ADI1: variants seen among roughly 807,000 people sequenced by gnomAD.
ADI1 encodes acireductone dioxygenase.
A neutral mutation model predicts 18.7 loss-of-function variants in ADI1; 21 were observed. That is an observed-to-expected ratio of 1.13 (90% CI 0.80 to 1.62). ADI1 has a LOEUF of 1.62. Ranked by LOEUF, ADI1 falls within the 40% of genes most tolerant of loss-of-function variation. The probability of loss-of-function intolerance (pLI) is 0.00; values close to 1 mark genes in which losing one functional copy is unlikely to be tolerated. For synonymous variants in ADI1, 90 were observed against 100.1 expected (o/e 0.90, Z 0.60); for missense variants, 245 against 254.9 (o/e 0.96, Z 0.26).
intron 2 of ADI1, among the ~76,000 whole-genome samples, chr2:3,501,690 G>A (rs1404754768): frequency 6.6e-6 from 1 of 151,952 alleles, no homozygotes; most frequent in Non-Finnish European, 1.5e-5. Context: ...ACTATACCCA[G>A]CTAATTTTTG....
chr2:3,509,821 T>C (rs973466722), intron 2 of ADI1, among the ~76,000 whole-genome samples: 19 of 149,352 alleles, frequency 1.3e-4, no homozygotes, highest in African/African-American at 4.7e-4. Flanking sequence ...CTGGTGAGAT[T>C]CCAACGCTAC....
chr2:3,502,319 C>T (rs1667041420), intron 2 of ADI1, among the ~76,000 whole-genome samples: 1 of 152,244 alleles, frequency 6.6e-6, no homozygotes, highest in African/African-American at 2.4e-5. Context: ...GCATGAGCCA[C>T]TGCCCCCAGC....
At chr2:3,518,878 C>G (rs1339425380) in intron 1 of ADI1, among the ~76,000 whole-genome samples, 1 of 152,254 alleles carries the variant, frequency 6.6e-6, no homozygotes, top group East Asian at 1.9e-4. Flanking sequence ...GCTGCCAATC[C>G]CGGAGCTGCG....
In ADI1 at chr2:3,498,486, G is replaced by A. The variant is rs1340639626; in HGVS notation, c.*477C>T. On this transcript the variant is annotated 3_prime_UTR_variant, in exon 4 of 4. Transcript: ENST00000327435. ...AGGCAGTTACTTTATTTTGAACAAGGAAGTGGCATAAGCAACTCAGTGTGT... is the reference window on the plus strand; with the variant it reads ...AGGCAGTTACTTTATTTTGAACAAGAAAGTGGCATAAGCAACTCAGTGTGT... 6.5e-6 allele frequency: 1 copy of A among 153,200 alleles called. No homozygotes were observed. The highest frequency in any genetic ancestry group is 2.4e-5 in the African/African-American group (1 of 41,476). The allele number at this position is 153,200 out of a possible 1,614,324, so 9.5% of individuals were successfully genotyped here. A position where few individuals can be genotyped will look rare whatever the true frequency, so the allele number is the denominator to read the frequency against.
At chr2:3,508,780 T>C (rs546597923) in intron 2 of ADI1, among the ~76,000 whole-genome samples, 2 of 152,068 alleles carry the variant, frequency 1.3e-5, no homozygotes, top group Non-Finnish European at 2.9e-5. Flanking sequence ...GGTGTGCACC[T>C]GTAGTCCCAG....
At chr2:3,506,366 G>C (rs1016049490) in intron 2 of ADI1, among the ~76,000 whole-genome samples, 7 of 152,076 alleles carry the variant, frequency 4.6e-5, no homozygotes, top group African/African-American at 1.4e-4. Flanking sequence ...CAGGATACAG[G>C]GTTAATACAC....
In ADI1 at chr2:3,500,850, G is replaced by A. The variant is rs562498332; in HGVS notation, c.384C>T (p.Pro128=). The A allele has an allele frequency of 2.4e-5, 38 of 1,614,154 alleles. No individual in the cohort carries two copies. Among genetic ancestry groups the A allele is most frequent in the South Asian group, 1.2e-4 (11 of 91,076 alleles). The change falls in exon 3 of 4, where the codon CCC becomes CCT. Residue 128 remains proline (P), a synonymous_variant. Transcript: ENST00000327435. ...FMEKGDMVTL[P]AGIYHRFTVD... ...CCGTGAAGCGGTGATAGATCCCCGCGGGGAGCGTCACCATGTCTCCCTTCT... is the reference window on the plus strand; with the variant it reads ...CCGTGAAGCGGTGATAGATCCCCGCAGGGAGCGTCACCATGTCTCCCTTCT...
At chr2:3,501,045 C>T in intron 2 of ADI1, 52 bp from the exon 3 acceptor site, 1 of 1,491,688 alleles carries the variant, frequency 6.7e-7, no homozygotes, top group Non-Finnish European at 9.0e-7. Context: ...GTCACGCAAG[C>T]TCACACCCAC....
chr2:3,503,292 T>C lies in ADI1; in HGVS notation c.241-2299A>G. Among the ~76,000 whole-genome samples, 2 of 131,522 alleles carry C rather than the reference T, an allele frequency of 1.5e-5. 1 individual carries two copies. The highest frequency in any genetic ancestry group is 4.2e-4 in the East Asian group (2 of 4,746). 86.3% of individuals were successfully genotyped at this position (131,522 alleles called of 152,430 possible). ...ACTCACTCATGTGCATTCACACACA[T>C]GCACACATACACACTGACACGCACA... On this transcript the variant is annotated intron_variant, in intron 2 of 3. Transcript: ENST00000327435.
At chr2:3,517,705 G>A (rs1187299687) in intron 1 of ADI1, 1 of 152,016 alleles carries the variant, frequency 6.6e-6, no homozygotes, top group Non-Finnish European at 1.5e-5. Flanking sequence ...AGATGAGGTT[G>A]CGGTGAGCCG....
chr2:3,500,455 G>C (rs1462212175), intron 3 of ADI1: 2 of 394,664 alleles, frequency 5.1e-6, no homozygotes, highest in Non-Finnish European at 4.7e-6. Flanking sequence ...ACACGGGCTG[G>C]GGTGACAACC....
chr2:3,498,724 C>T lies in ADI1; in HGVS notation c.*239G>A, dbSNP rs1666919908. The T allele has an allele frequency of 6.2e-6, 3 of 480,944 alleles. No homozygotes were observed. In the East Asian group the frequency reaches 1.0e-4, roughly 16 times the overall value. 29.8% of individuals were successfully genotyped at this position (480,944 alleles called of 1,614,324 possible). Reference sequence around the variant, plus strand: ...ACTCAACTGAATGCATGAACTAACACAGGGCCATGGACCCACCAGTCTTGA... The same window carrying T: ...ACTCAACTGAATGCATGAACTAACATAGGGCCATGGACCCACCAGTCTTGA... On this transcript the variant is annotated 3_prime_UTR_variant, in exon 4 of 4. Transcript: ENST00000327435.
intron 3 of ADI1, 123 bp downstream of exon 3, chr2:3,500,691 G>A (rs528735274): frequency 2.5e-5 from 32 of 1,268,862 alleles, no homozygotes; most frequent in Non-Finnish European, 3.4e-5. Context: ...AGCACAGGTC[G>A]AGGAGTCCCG....
chr2:3,506,689 AACTG>A (rs1667183839), intron 2 of ADI1, among the ~76,000 whole-genome samples: 1 of 152,224 alleles, frequency 6.6e-6, no homozygotes, highest in Non-Finnish European at 1.5e-5. Context: ...CATATCAGCA[AACTG>A]ACTGTGAAGT....
At chr2:3,512,531 T>A (rs1478000761) in intron 2 of ADI1, among the ~76,000 whole-genome samples, 2 of 152,220 alleles carry the variant, frequency 1.3e-5, no homozygotes, top group Non-Finnish European at 2.9e-5. Context: ...CAGGTACAGC[T>A]TGGGCCACAG....
chr2:3,501,684 T>C (rs11677069), intron 2 of ADI1, among the ~76,000 whole-genome samples: 74,027 of 151,370 alleles, frequency 0.49, 21,334 homozygotes, highest in African/African-American at 0.82. Flanking sequence ...CCTACCACTA[T>C]ACCCAGCTAA....
intron 2 of ADI1, among the ~76,000 whole-genome samples, chr2:3,502,362 A>G (rs1667042506): frequency 6.6e-6 from 1 of 152,218 alleles, no homozygotes; most frequent in African/African-American, 2.4e-5. Flanking sequence ...ATCATAAATA[A>G]AATGAAAACA....
At chr2:3,517,645 A>G (rs1328884150) in intron 1 of ADI1, 1 of 152,180 alleles carries the variant, frequency 6.6e-6, no homozygotes, top group Non-Finnish European at 1.5e-5. Flanking sequence ...TGCACCTTGT[A>G]ATCCCAGCTA....
rs1022744245 is a variant in ADI1 at position 3,515,757 on chromosome 2, G to A, written c.121-1781C>T. On this transcript the variant is annotated intron_variant, in intron 1 of 3. Transcript: ENST00000327435. Reference sequence around the variant, plus strand: ...GGTCTGAGACTCAGGCGGGCATCACGGTCCTACCGATATGTGATGTCACCC... The same window carrying A: ...GGTCTGAGACTCAGGCGGGCATCACAGTCCTACCGATATGTGATGTCACCC... 2.1e-5 allele frequency: 6 copies of A among 284,766 alleles called. No homozygotes were observed. In the East Asian group the frequency reaches 5.2e-4, roughly 25 times the overall value. The allele number at this position is 284,766 out of a possible 1,614,324, so 17.6% of individuals were successfully genotyped here.
Sources: allele counts gnomAD v4.1 joint callset (sites outside exome capture counted in the v4.1 genomes callset), GRCh38; gene constraint gnomAD v4.1.1; transcripts MANE v1.5; gene names NCBI Gene and HGNC (gene_info 2026-07-23, HGNC 2026-07-21).